Variants in DNMBP observed in about 807,000 individuals in gnomAD.
DNMBP encodes dynamin-binding protein.
Under a neutral mutation model 150.0 loss-of-function variants are expected in DNMBP, and 87 were observed. The observed-to-expected ratio is 0.58, with a 90% CI of 0.49 to 0.69. The LOEUF (loss-of-function observed/expected upper bound fraction) is 0.69, where lower values mean the gene tolerates loss of function less well. Ranked by LOEUF, DNMBP falls within the 30% of genes least tolerant of loss-of-function variation. The pLI is 0.00. For synonymous variants in DNMBP, 711 were observed against 750.4 expected, an observed-to-expected ratio of 0.95 and a Z score of 0.86; for missense variants, 1,774 against 1,949.0, an observed-to-expected ratio of 0.91 and a Z score of 1.69.
intron 1 of DNMBP, among the ~76,000 whole-genome samples, chr10:100,008,088 A>T (rs1480200171): frequency 6.6e-6 from 1 of 152,242 alleles, no homozygotes; most frequent in African/African-American, 2.4e-5. Context: ...CTAGAAAATA[A>T]GCCAAAAGCC....
At chr10:99,991,342 G>A (rs2040889061) in intron 1 of DNMBP, among the ~76,000 whole-genome samples, 1 of 151,892 alleles carries the variant, frequency 6.6e-6, no homozygotes, top group East Asian at 2.0e-4. Flanking sequence ...CTCCCAAAGT[G>A]CTGGGATTAC....
At chr10:99,964,135 CTTTTTTTTTTTTTTT>C (rs895801002) in intron 3 of DNMBP, among the ~76,000 whole-genome samples, 2 of 87,236 alleles carry the variant, frequency 2.3e-5, no homozygotes, top group African/African-American at 9.8e-5. Context: ...TATTCTCTCT[CTTTTTTTTTTTTTTT>C]TTTTTTTTTG....
At chr10:99,883,496 T>G (rs11815651) in intron 15 of DNMBP, among the ~76,000 whole-genome samples, 1 of 151,646 alleles carries the variant, frequency 6.6e-6, no homozygotes, top group African/African-American at 2.4e-5. Context: ...AGACGTAATA[T>G]CTATAAAATT....
intron 4 of DNMBP, among the ~76,000 whole-genome samples, chr10:99,932,348 T>C (rs2040168873): frequency 6.6e-6 from 1 of 152,156 alleles, no homozygotes; most frequent in Admixed American, 6.5e-5. Flanking sequence ...ACTCCTCGGA[T>C]TCCCCCAGCA....
At chr10:99,940,107 T>C (rs998608076) in intron 4 of DNMBP, among the ~76,000 whole-genome samples, 3 of 152,230 alleles carry the variant, frequency 2.0e-5, no homozygotes, top group African/African-American at 7.2e-5. Context: ...GAATTGGTTT[T>C]GTTTGTGCAG....
chr10:100,006,163 TGA>T (rs938211046), intron 1 of DNMBP, among the ~76,000 whole-genome samples: 2 of 152,224 alleles, frequency 1.3e-5, no homozygotes, highest in African/African-American at 4.8e-5. Flanking sequence ...ACAAAAGGGA[TGA>T]GCAGAGAATA....
At chr10:99,885,991 A>C in intron 13 of DNMBP, 125 bp from the exon 14 acceptor site, 1 of 973,290 alleles carries the variant, frequency 1.0e-6, no homozygotes, top group Non-Finnish European at 1.5e-6. Flanking sequence ...CTGGAAGCTA[A>C]AGTTCAGCTG....
chr10:99,926,782 G>A (rs1412480757), intron 4 of DNMBP, among the ~76,000 whole-genome samples: 2 of 152,164 alleles, frequency 1.3e-5, no homozygotes, highest in Non-Finnish European at 2.9e-5. Flanking sequence ...AAGGAACCCC[G>A]TGGAAAGCTG....
At chr10:99,989,654 T>C (rs754176569) in intron 1 of DNMBP, among the ~76,000 whole-genome samples, 11 of 152,110 alleles carry the variant, frequency 7.2e-5, no homozygotes, top group African/African-American at 2.2e-4. Context: ...GAGGTTGCAG[T>C]GAGCCGAGAT....
intron 12 of DNMBP, 55 bp downstream of exon 12, chr10:99,888,770 T>G: frequency 6.2e-7 from 1 of 1,607,322 alleles, no homozygotes; most frequent in South Asian, 1.1e-5. Context: ...CATGAGCTGA[T>G]GTATTTGAGA....
intron 6 of DNMBP, among the ~76,000 whole-genome samples, chr10:99,900,977 C>T (rs192992657): frequency 6.6e-6 from 1 of 152,184 alleles, no homozygotes; most frequent in East Asian, 1.9e-4. Context: ...TCACTGTTGC[C>T]CAGGCTCCAC....
In DNMBP at chr10:99,899,869, C is replaced by T. The variant is rs748653650; in HGVS notation, c.2702+50G>A. The T allele has an allele frequency of 5.0e-6, 8 of 1,603,672 alleles. No individual in the cohort carries two copies. The Admixed American group carries it at 1.3e-4, about 27-fold the overall frequency. On this transcript the variant is annotated intron_variant, in intron 7 of 16. Transcript: ENST00000324109. ...AGTCCAGGCATATACACAGGTATAA[C>T]TTAGAGAACTAAAGAGCTGTAATGG...
At chr10:99,893,834 ATC>A (rs753378992) in intron 11 of DNMBP, among the ~76,000 whole-genome samples, 1 of 152,154 alleles carries the variant, frequency 6.6e-6, no homozygotes, top group Admixed American at 6.5e-5. Flanking sequence ...CACACATGAA[ATC>A]TCTGATAGGA....
At position 99,902,303 on chromosome 10, in the gene DNMBP, CTTTTTTTT is replaced by C. The variant is rs34120125; in HGVS notation, c.2555-2245_2555-2238del. Among the ~76,000 whole-genome samples the C allele has an allele frequency of 4.8e-5, 4 of 82,790 alleles. No homozygotes were observed. The Admixed American group carries it at 5.3e-4, about 11-fold the overall frequency. 54.3% of individuals were successfully genotyped at this position (82,790 alleles called of 152,430 possible). A position where few individuals can be genotyped will look rare whatever the true frequency, so the allele number is the denominator to read the frequency against. On this transcript the variant is annotated intron_variant, in intron 6 of 16. Transcript: ENST00000324109. Reference sequence around the variant, plus strand: ...CCCTTTCTCACTGGAAGCCTCCCTTCTTTTTTTTTTTTTTTTTTTTTTTTGAGATGGAG... The same window carrying C: ...CCCTTTCTCACTGGAAGCCTCCCTTCTTTTTTTTTTTTTTTTGAGATGGAG...
At chr10:99,937,626 C>T (rs2040248219) in intron 4 of DNMBP, among the ~76,000 whole-genome samples, 1 of 152,216 alleles carries the variant, frequency 6.6e-6, no homozygotes, top group Non-Finnish European at 1.5e-5. Flanking sequence ...AAGTGGACCA[C>T]TACCGAGGCA....
chr10:99,969,494 C>T (rs572152377), intron 2 of DNMBP, among the ~76,000 whole-genome samples: 1 of 152,264 alleles, frequency 6.6e-6, no homozygotes, highest in East Asian at 1.9e-4. Flanking sequence ...CAGAGGAAAA[C>T]ATAAGACAGT....
At chr10:100,008,251 C>T (rs1315970944) in intron 1 of DNMBP, among the ~76,000 whole-genome samples, 1 of 152,154 alleles carries the variant, frequency 6.6e-6, no homozygotes, top group African/African-American at 2.4e-5. Context: ...ATAACTGGTG[C>T]ATATTTAAAC....
intron 3 of DNMBP, among the ~76,000 whole-genome samples, chr10:99,968,566 C>T (rs1391132921): frequency 6.6e-6 from 1 of 151,664 alleles, no homozygotes. Flanking sequence ...CACGTGCCTG[C>T]GGTCCCAGCT....
chr10:99,940,016 T>C (rs527444505), intron 4 of DNMBP, among the ~76,000 whole-genome samples: 11 of 152,346 alleles, frequency 7.2e-5, no homozygotes, highest in Admixed American at 3.3e-4. Flanking sequence ...TTTTTTAGAC[T>C]GATTTGAGTA....
Sources: allele counts gnomAD v4.1 joint callset (sites outside exome capture counted in the v4.1 genomes callset), GRCh38; gene constraint gnomAD v4.1.1; transcripts MANE v1.5; gene names NCBI Gene and HGNC (gene_info 2026-07-23, HGNC 2026-07-21).